The following RBFOX1 variants were observed in gnomAD, a reference collection of about 807,000 sequenced individuals.
RBFOX1 encodes RNA binding fox-1 homolog 1, also known as RNA binding protein fox-1 homolog 1.
In RBFOX1, 8 loss-of-function variants were observed where a neutral mutation model predicts 57.7. That is an observed-to-expected ratio of 0.14 (90% CI 0.08 to 0.25). The LOEUF is 0.25. Among genes scored for constraint, RBFOX1 ranks in the 10% least tolerant of loss-of-function variants. The pLI is 1.00. For missense variants in RBFOX1, 611 were observed against 548.5 expected (o/e 1.11, Z -1.14); for synonymous variants, 326 against 222.4 (o/e 1.47, Z -4.15).
At chr16:6,250,552 A>C (rs75420869) in intron 1 of RBFOX1, among the ~76,000 whole-genome samples, 1 of 152,054 alleles carries the variant, frequency 6.6e-6, no homozygotes, top group Non-Finnish European at 1.5e-5. Context: ...TGGTATTTCA[A>C]CCAGGAGCCC....
chr16:6,288,483 A>G (rs915000532), intron 1 of RBFOX1, among the ~76,000 whole-genome samples: 5 of 152,156 alleles, frequency 3.3e-5, no homozygotes, highest in East Asian at 1.9e-4. Context: ...TCCATGCATC[A>G]TACATACTAT....
At chr16:6,208,832 A>ATGAGGTATAGCCTATG (rs1311220805) in intron 1 of RBFOX1, among the ~76,000 whole-genome samples, 1 of 152,108 alleles carries the variant, frequency 6.6e-6, no homozygotes, top group Non-Finnish European at 1.5e-5. Flanking sequence ...CTGTCTTCGC[A>ATGAGGTATAGCCTATG]TGAGGTATAG....
At chr16:5,453,805 A>C (rs1317947375) in intron 1 of RBFOX1, among the ~76,000 whole-genome samples, 1 of 152,206 alleles carries the variant, frequency 6.6e-6, no homozygotes, top group Non-Finnish European at 1.5e-5. Context: ...CTACTTACGT[A>C]CGAGGGTGAC....
intron 4 of RBFOX1, among the ~76,000 whole-genome samples, chr16:7,236,543 G>A (rs2093776836): frequency 1.3e-5 from 2 of 152,212 alleles, no homozygotes; most frequent in African/African-American, 4.8e-5. Flanking sequence ...TTCCCCATCT[G>A]TTTTGGTAAT....
intron 1 of RBFOX1, among the ~76,000 whole-genome samples, chr16:5,440,420 G>C (rs1299157317): frequency 2.0e-5 from 3 of 152,036 alleles, no homozygotes; most frequent in African/African-American, 7.2e-5. Flanking sequence ...CTTTTGTTTT[G>C]GTTGAAAAAA....
chr16:6,174,337 G>A (rs2096986586), intron 1 of RBFOX1, among the ~76,000 whole-genome samples: 1 of 152,156 alleles, frequency 6.6e-6, no homozygotes. Flanking sequence ...GCTCATGCCT[G>A]TCATCTGAAC....
Position 5,377,163 on chromosome 16 carries a change from A to G in RBFOX1, c.220-90053A>G, listed in dbSNP as rs117384309. On this transcript the variant is annotated intron_variant, in intron 1 of 2. Transcript: ENST00000585867. Reference sequence around the variant, plus strand: ...AGCACCTGCTGTATATCTGCCAGACATGGGGATAAGCCTGGGGATGCAAGT... The same window carrying G: ...AGCACCTGCTGTATATCTGCCAGACGTGGGGATAAGCCTGGGGATGCAAGT... Among the ~76,000 whole-genome samples, 216 of 151,726 alleles carry G rather than the reference A, an allele frequency of 1.4e-3. 5 individuals are homozygous for G. In the East Asian group the frequency reaches 0.035, roughly 25 times the overall value.
chr16:7,630,728 G>A (rs767095182), intron 11 of RBFOX1, 45 bp downstream of exon 11: 6 of 1,611,172 alleles, frequency 3.7e-6, no homozygotes, highest in Non-Finnish European at 5.1e-6. Flanking sequence ...ACATAAATCT[G>A]AGTCCAATCA....
chr16:6,865,541 G>C (rs2059770969), intron 3 of RBFOX1, among the ~76,000 whole-genome samples: 1 of 152,048 alleles, frequency 6.6e-6, no homozygotes, highest in Admixed American at 6.5e-5. Context: ...TGCAGGAATT[G>C]TATCAGGTGG....
chr16:6,226,555 A>G (rs553115871), intron 1 of RBFOX1, among the ~76,000 whole-genome samples: 1 of 152,204 alleles, frequency 6.6e-6, no homozygotes, highest in Admixed American at 6.5e-5. Context: ...TCTGAAGCAT[A>G]TTGTATGAAT....
chr16:5,944,080 C>A (rs2059340554), intron 4 of RBFOX1, among the ~76,000 whole-genome samples: 1 of 152,152 alleles, frequency 6.6e-6, no homozygotes, highest in South Asian at 2.1e-4. Context: ...AGCCCACATA[C>A]ATAGAGCATC....
intron 2 of RBFOX1, among the ~76,000 whole-genome samples, chr16:6,647,686 C>T (rs769227841): frequency 3.9e-5 from 6 of 152,096 alleles, no homozygotes; most frequent in African/African-American, 1.2e-4. Context: ...CATCATACTA[C>T]GTGTTAAAAA....
chr16:5,528,189 C>T (rs1238196657), intron 2 of RBFOX1, among the ~76,000 whole-genome samples: 1 of 152,146 alleles, frequency 6.6e-6, no homozygotes, highest in African/African-American at 2.4e-5. Context: ...TCGAGACATT[C>T]CCGTGAGCTT....
At chr16:7,688,254 TGTGTGTGAGA>T (rs1270276419) in intron 14 of RBFOX1, among the ~76,000 whole-genome samples, 48 of 115,774 alleles carry the variant, frequency 4.1e-4, no homozygotes, top group Admixed American at 2.4e-3. Context: ...TGTGTGTGTG[TGTGTGTGAGA>T]GAGAGAGAGA....
intron 1 of RBFOX1, among the ~76,000 whole-genome samples, chr16:5,373,399 T>A (rs1342204061): frequency 6.6e-6 from 1 of 152,114 alleles, no homozygotes; most frequent in Non-Finnish European, 1.5e-5. Flanking sequence ...TCCCCCTTGC[T>A]CTTCTTGTGA....
At chr16:7,215,923 C>T (rs76355264) in intron 4 of RBFOX1, among the ~76,000 whole-genome samples, 1 of 152,054 alleles carries the variant, frequency 6.6e-6, no homozygotes, top group South Asian at 2.1e-4. Context: ...TGGGGTTTCA[C>T]CGTGTTAGCC....
At chr16:6,785,097 G>A (rs993476096) in intron 3 of RBFOX1, among the ~76,000 whole-genome samples, 29 of 152,126 alleles carry the variant, frequency 1.9e-4, no homozygotes, top group Middle Eastern at 3.4e-3. Context: ...TTTAGAAAGT[G>A]GTCATGGTTC....
chr16:6,020,141 T>G (rs1272898026), intron 1 of RBFOX1, 149 bp downstream of exon 1: 7 of 979,466 alleles, frequency 7.1e-6, no homozygotes. Context: ...TTTTTCAGGG[T>G]GTGTGGAAAG....
intron 4 of RBFOX1, among the ~76,000 whole-genome samples, chr16:7,069,518 G>A (rs1158033369): frequency 6.6e-6 from 1 of 152,140 alleles, no homozygotes; most frequent in African/African-American, 2.4e-5. Flanking sequence ...CCTTGCAAAA[G>A]ACATGATAGT....
Sources: gnomAD v4.1 joint callset for allele counts (sites outside exome capture counted in the v4.1 genomes callset) on GRCh38, gnomAD v4.1.1 for gene constraint, MANE v1.5 for transcripts, NCBI Gene and HGNC (gene_info 2026-07-23, HGNC 2026-07-21) for gene names.